The following CTSD variants were observed in gnomAD, a reference collection of about 807,000 sequenced individuals.
CTSD encodes the protein ceroid-lipofuscinosis, neuronal 10.
Under a neutral mutation model 43.6 loss-of-function variants are expected in CTSD, and 28 were observed. The ratio of observed to expected loss-of-function variants is 0.64; its 90% CI spans 0.48 to 0.88. CTSD has a LOEUF of 0.88. Among genes scored for constraint, CTSD ranks in the 40% least tolerant of loss-of-function variants. The pLI is 0.00. For missense variants in CTSD, 485 were observed against 555.2 expected, an observed-to-expected ratio of 0.87 and a Z score of 1.27; for synonymous variants, 270 against 249.8, an observed-to-expected ratio of 1.08 and a Z score of -0.76.
intron 3 of CTSD, among the ~76,000 whole-genome samples, chr11:1,759,297 C>A (rs1845846339): frequency 6.6e-6 from 1 of 152,232 alleles, no homozygotes; most frequent in Non-Finnish European, 1.5e-5. Context: ...CCACAGCCGG[C>A]TCCCTCTGTG....
At position 1,759,047 on chromosome 11, in the gene CTSD, G is replaced by A. The variant is rs776128996; in HGVS notation, c.393C>T (p.Tyr131=). Residue 131 remains tyrosine, a synonymous_variant, in exon 4 of 9, where the codon TAC becomes TAT. Coordinates refer to ENST00000236671, the MANE Select transcript of CTSD (RefSeq NM_001909.5). ...TGTCAAACGAGGTACCATTCTTCAC[G>A]TAGGTGCTGGACTTGTCGCTGTTGT... ...HKYNSDKSST[Y]VKNGTSFDIH... 2.2e-5 allele frequency: 36 copies of A among 1,614,006 alleles called. No individual in the cohort carries two copies. Among genetic ancestry groups the A allele is most frequent in the Middle Eastern group, 1.6e-4 (1 of 6,084 alleles).
intron 2 of CTSD, chr11:1,760,641 C>T (rs901189840): frequency 1.3e-5 from 2 of 155,256 alleles, no homozygotes; most frequent in Admixed American, 6.3e-5. Flanking sequence ...ACCAGGCACA[C>T]GGCGCCTGGT....
At position 1,761,421 on chromosome 11, in the gene CTSD, A is replaced by G. The variant is rs1369330655; in HGVS notation, c.116T>C (p.Val39Ala). 1 of 1,613,650 alleles carries G rather than the reference A, an allele frequency of 6.2e-7. No homozygotes were observed. ...FTSIRRTMSE[V>A]GGSVEDLIAK... ...AATCAGGTCCTCCACAGAGCCCCCA[A>G]CCTCCGACATGGTCCGGCGGATGGA... Residue 39 changes from valine (V) to alanine (A), a missense_variant, in exon 2 of 9, where the codon GTT becomes GCT. By Grantham distance (64) the Val-to-Ala change is moderately conservative. Coordinates refer to ENST00000236671, the MANE Select transcript of CTSD (RefSeq NM_001909.5).
chr11:1,756,854 G>C (rs1035590758), intron 5 of CTSD, among the ~76,000 whole-genome samples: 5 of 152,200 alleles, frequency 3.3e-5, no homozygotes, highest in Non-Finnish European at 5.9e-5. Flanking sequence ...TGCTCGCAGC[G>C]TGGTGCCGGG....
chr11:1,754,060 C>G lies in CTSD; in HGVS notation c.906G>C (p.Val302=). The G allele has an allele frequency of 6.2e-7, 1 of 1,611,524 alleles. No individual in the cohort carries two copies. Among genetic ancestry groups the G allele is most frequent in the African/African-American group, 1.3e-5 (1 of 75,044 alleles). The part of the protein sequence containing the change: ...AIVDTGTSLM[V]GPVDEVRELQ... ...GCTCGCGCACCTCATCCACCGGGCCCACCATGAGGGAAGTGCCTGTGTCCA... is the reference window on the plus strand; with the variant it reads ...GCTCGCGCACCTCATCCACCGGGCCGACCATGAGGGAAGTGCCTGTGTCCA... Residue 302 remains valine (V), a synonymous_variant, in exon 7 of 9, where the codon GTG becomes GTC. Coordinates refer to ENST00000236671, the MANE Select transcript of CTSD (RefSeq NM_001909.5).
intron 3 of CTSD, among the ~76,000 whole-genome samples, 163 bp from the exon 4 acceptor site, chr11:1,759,250 C>T (rs904654131): frequency 1.3e-5 from 2 of 152,178 alleles, no homozygotes; most frequent in African/African-American, 2.4e-5. Context: ...GCCAGAGCCC[C>T]GGGACTGTGG....
chr11:1,762,317 TC>T (rs942380979), intron 1 of CTSD: 1 of 151,862 alleles, frequency 6.6e-6, no homozygotes, highest in African/African-American at 2.4e-5. Flanking sequence ...GAGATCGGGG[TC>T]CTGAGTTCTA....
intron 5 of CTSD, 190 bp from the exon 6 acceptor site, chr11:1,755,218 G>C (rs1845795951): frequency 1.4e-6 from 1 of 697,880 alleles, no homozygotes; most frequent in African/African-American, 1.8e-5. Flanking sequence ...GGGTAGGGCT[G>C]CTCTGCGTGG....
chr11:1,762,299 T>A (rs1028875980), intron 1 of CTSD: 1 of 152,094 alleles, frequency 6.6e-6, no homozygotes, highest in Non-Finnish European at 1.5e-5. Context: ...AGGAGGGAGC[T>A]CCAGACTGAG....
intron 5 of CTSD, 90 bp from the exon 6 acceptor site, chr11:1,755,118 G>C: frequency 6.6e-7 from 1 of 1,508,874 alleles, no homozygotes; most frequent in South Asian, 1.1e-5. Flanking sequence ...GTGGCAATCA[G>C]GGAGAGCTTC....
Position 1,757,358 on chromosome 11 carries a change from C to G in CTSD, c.670G>C (p.Val224Leu). ...VFDNLMQQKL[V>L]DQNIFSFYLS... ...TAGAAGGAGAAGATGTTCTGGTCCA[C>G]CAGCTTCTGCTGCATCAGGTTGTCG... The change falls in exon 5 of 9, where the codon GTG (valine) becomes CTG (leucine). Residue 224 changes from valine to leucine, a missense_variant. Physicochemically the swap from Val to Leu is conservative, Grantham distance 32 (BLOSUM62 1). Coordinates refer to ENST00000236671, the MANE Select transcript of CTSD (RefSeq NM_001909.5). The G allele has an allele frequency of 6.2e-7, 1 of 1,614,088 alleles. No individual in the cohort carries two copies.
intron 2 of CTSD, among the ~76,000 whole-genome samples, chr11:1,759,970 G>C (rs1470798039): frequency 2.0e-5 from 3 of 152,224 alleles, no homozygotes; most frequent in Non-Finnish European, 4.4e-5. Flanking sequence ...GGACAGACGT[G>C]GCCCTCAGCC....
chr11:1,757,105 T>C (rs1845818805), intron 5 of CTSD, among the ~76,000 whole-genome samples: 1 of 152,232 alleles, frequency 6.6e-6, no homozygotes, highest in Non-Finnish European at 1.5e-5. Flanking sequence ...CCCCTCCCAC[T>C]GGGAGACCCC....
Position 1,753,337 on chromosome 11 carries a change from A to G in CTSD, c.*166T>C. 3 of 762,302 alleles carry G rather than the reference A, an allele frequency of 3.9e-6. No homozygotes were observed. The highest frequency in any genetic ancestry group is 4.5e-6 in the Non-Finnish European group (2 of 445,336). The allele number at this position is 762,302 out of a possible 1,614,324, so 47.2% of individuals were successfully genotyped here. A position where few individuals can be genotyped will look rare whatever the true frequency, so the allele number is the denominator to read the frequency against. ...CATTTCTGAACCCAGGGAGGGGAAA[A>G]CCACAGAACAAAACAGCAAGTCGGG... is the stretch of plus-strand genomic sequence containing the variant. On this transcript the variant is annotated 3_prime_UTR_variant, in exon 9 of 9. Coordinates refer to ENST00000236671, the MANE Select transcript of CTSD (RefSeq NM_001909.5).
intron 7 of CTSD, 29 bp downstream of exon 7, chr11:1,753,965 C>G: frequency 6.2e-7 from 1 of 1,604,310 alleles, no homozygotes; most frequent in Non-Finnish European, 8.5e-7. Context: ...CTGCCAGCCC[C>G]AGCCCCAGCC....
chr11:1,759,147 C>T (rs1845844601), intron 3 of CTSD, 60 bp from the exon 4 acceptor site: 4 of 1,266,064 alleles, frequency 3.2e-6, no homozygotes, highest in Admixed American at 3.4e-5. Context: ...CGGCCTTAGC[C>T]CTCCCATCCC....
At chr11:1,756,972 C>T (rs1350905697) in intron 5 of CTSD, among the ~76,000 whole-genome samples, 1 of 152,206 alleles carries the variant, frequency 6.6e-6, no homozygotes, top group Non-Finnish European at 1.5e-5. Context: ...GTGCCCATCA[C>T]CAGGTCTGGG....
chr11:1,761,035 C>A (rs186097720), intron 2 of CTSD: 104 of 495,720 alleles, frequency 2.1e-4, no homozygotes, highest in Middle Eastern at 1.1e-3. Context: ...GCCCAAGGAC[C>A]GCCCCCTCAG....
Position 1,758,987 on chromosome 11 carries a change from C to G in CTSD, c.453G>C (p.Leu151=). 6.2e-7 allele frequency: 1 copy of G among 1,612,784 alleles called. No individual in the cohort carries two copies. Among genetic ancestry groups the G allele is most frequent in the South Asian group, 1.1e-5 (1 of 91,046 alleles). Reference sequence around the variant, plus strand: ...GACTCACCGACACAGTGTCCTGGCTCAGGTACCCGGAGAGGCTGCCCGAGC... The same window carrying G: ...GACTCACCGACACAGTGTCCTGGCTGAGGTACCCGGAGAGGCTGCCCGAGC... ...HYGSGSLSGY[L]SQDTVSVPCQ... The change falls in exon 4 of 9, where the codon CTG becomes CTC. Residue 151 remains leucine, a synonymous_variant. Coordinates refer to ENST00000236671, the MANE Select transcript of CTSD (RefSeq NM_001909.5).
Sources: allele counts gnomAD v4.1 joint callset (sites outside exome capture counted in the v4.1 genomes callset), GRCh38; gene constraint gnomAD v4.1.1; transcripts MANE v1.5; gene names NCBI Gene and HGNC (gene_info 2026-07-23, HGNC 2026-07-21).